The following PDE10A variants were observed in gnomAD, a reference collection of about 807,000 sequenced individuals.
The protein encoded by PDE10A is cAMP and cAMP-inhibited cGMP 3',5'-cyclic phosphodiesterase 10A.
PDE10A carries 39 observed loss-of-function variants against 97.7 expected under a neutral mutation model. The observed-to-expected ratio is 0.40, with a 90% CI of 0.31 to 0.52. The LOEUF (loss-of-function observed/expected upper bound fraction) is 0.52. Among genes scored for constraint, PDE10A ranks in the 20% least tolerant of loss-of-function variants. PDE10A has a pLI of 0.56. For missense variants in PDE10A, 731 were observed against 1,047.8 expected, an observed-to-expected ratio of 0.70 and a Z score of 4.17; for synonymous variants, 371 against 376.8, an observed-to-expected ratio of 0.98 and a Z score of 0.18.
intron 2 of PDE10A, among the ~76,000 whole-genome samples, chr6:165,529,543 G>A (rs538386088): frequency 6.6e-6 from 1 of 152,160 alleles, no homozygotes. Flanking sequence ...TACCAGCTAC[G>A]ACCACATGAC....
chr6:165,982,212 G>C (rs918624812), intron 1 of PDE10A, among the ~76,000 whole-genome samples: 1 of 152,178 alleles, frequency 6.6e-6, no homozygotes, highest in African/African-American at 2.4e-5. Context: ...GAAGGAACGC[G>C]TGAGTCGGTC....
Position 165,764,200 on chromosome 6 carries a change from T to A in PDE10A, c.-614-220632A>T, listed in dbSNP as rs1793320296. Among the ~76,000 whole-genome samples, 4 of 152,220 alleles carry A rather than the reference T, an allele frequency of 2.6e-5. No homozygotes were observed. In the South Asian group the frequency reaches 8.3e-4, roughly 32 times the overall value. ...GGGGCCTGAGTCCACGCTCTGACAC[T>A]TGGCTATTGCTCTTGGGTGTGTTAT... On this transcript the variant is annotated intron_variant, in intron 1 of 19. Coordinates refer to the PDE10A transcript ENST00000366882.
At chr6:165,777,766 A>G (rs1427083034) in intron 1 of PDE10A, among the ~76,000 whole-genome samples, 1 of 152,186 alleles carries the variant, frequency 6.6e-6, no homozygotes, top group Non-Finnish European at 1.5e-5. Context: ...ACAGAGGTAC[A>G]TCATAAAGCA....
chr6:165,380,184 TGA>T (rs1430264453), intron 17 of PDE10A, among the ~76,000 whole-genome samples: 1 of 152,216 alleles, frequency 6.6e-6, no homozygotes, highest in Non-Finnish European at 1.5e-5. Context: ...CTAAAAAGTT[TGA>T]GATAATTAAG....
intron 2 of PDE10A, among the ~76,000 whole-genome samples, chr6:165,485,760 T>C (rs1017212359): frequency 5.9e-5 from 9 of 151,858 alleles, no homozygotes; most frequent in African/African-American, 2.2e-4. Flanking sequence ...GCCTGACTAA[T>C]TTTTTGTATT....
intron 1 of PDE10A, among the ~76,000 whole-genome samples, chr6:165,957,410 G>A (rs1000397550): frequency 4.6e-5 from 7 of 152,302 alleles, no homozygotes; most frequent in South Asian, 2.1e-4. Context: ...GACCCCAAGA[G>A]TTCAAGGTGA....
intron 2 of PDE10A, among the ~76,000 whole-genome samples, chr6:165,494,459 G>GC (rs1780410178): frequency 6.7e-6 from 1 of 148,936 alleles, no homozygotes; most frequent in Admixed American, 6.7e-5. Context: ...AAAATGTGGG[G>GC]GGGGGTGTGT....
intron 1 of PDE10A, among the ~76,000 whole-genome samples, chr6:165,695,568 T>C (rs2128442687): frequency 1.3e-5 from 2 of 151,960 alleles, no homozygotes; most frequent in South Asian, 4.2e-4. Flanking sequence ...ACCAGATGAG[T>C]GTGGTGAAAA....
chr6:165,627,370 C>T (rs544259937), intron 1 of PDE10A, among the ~76,000 whole-genome samples: 16 of 152,168 alleles, frequency 1.1e-4, no homozygotes, highest in South Asian at 2.1e-4. Flanking sequence ...CATAATTTCC[C>T]GCAAGTATAC....
intron 1 of PDE10A, among the ~76,000 whole-genome samples, chr6:165,917,510 C>T (rs376250131): frequency 1.3e-4 from 20 of 152,070 alleles, no homozygotes; most frequent in East Asian, 1.2e-3. Context: ...TCAGGGGTGC[C>T]GAAATGGACA....
chr6:165,912,711 A>G (rs1782496475), intron 1 of PDE10A, among the ~76,000 whole-genome samples: 1 of 152,212 alleles, frequency 6.6e-6, no homozygotes, highest in South Asian at 2.1e-4. Flanking sequence ...ATGAACCAAT[A>G]ACATAAATTA....
intron 5 of PDE10A, among the ~76,000 whole-genome samples, chr6:165,439,431 A>G (rs1207899616): frequency 6.6e-6 from 1 of 152,196 alleles, no homozygotes; most frequent in East Asian, 1.9e-4. Flanking sequence ...ATCATTTCCA[A>G]AGAAGAAAGT....
chr6:165,417,946 A>T (rs1018789501), intron 11 of PDE10A, among the ~76,000 whole-genome samples: 20 of 152,202 alleles, frequency 1.3e-4, no homozygotes, highest in African/African-American at 4.6e-4. Flanking sequence ...AGAAATGCAA[A>T]TGTCTAAAAT....
chr6:165,348,438 GC>G (rs1404447683), intron 18 of PDE10A, among the ~76,000 whole-genome samples: 1 of 152,216 alleles, frequency 6.6e-6, no homozygotes, highest in Non-Finnish European at 1.5e-5. Flanking sequence ...ATGGGACCAT[GC>G]TTGCTAATTT....
intron 1 of PDE10A, among the ~76,000 whole-genome samples, chr6:165,795,495 G>A (rs1166359729): frequency 6.6e-6 from 1 of 152,130 alleles, no homozygotes; most frequent in African/African-American, 2.4e-5. Flanking sequence ...GGAGGCTGAG[G>A]TGGGCAGATC....
chr6:165,659,807 G>A lies in PDE10A; in HGVS notation c.865+2140C>T, dbSNP rs1230702108. Among the ~76,000 whole-genome samples the A allele has an allele frequency of 2.0e-5, 3 of 152,286 alleles. No homozygotes were observed. In the East Asian group the frequency reaches 5.8e-4, roughly 29 times the overall value. On this transcript the variant is annotated intron_variant, in intron 1 of 21. Transcript: ENST00000539869. ...CAGGTATTGTGTTCCTAAAGGGAGA[G>A]CCTGCTACGAATCCCGAGAGGACTC...
intron 1 of PDE10A, chr6:165,545,155 A>G: frequency 2.0e-6 from 1 of 496,258 alleles, no homozygotes; most frequent in Non-Finnish European, 4.0e-6. Flanking sequence ...TCTTTCTGCC[A>G]CTCCCATGAC....
At chr6:165,448,811 C>T (rs1791058211) in intron 5 of PDE10A, 117 bp downstream of exon 5, 1 of 654,768 alleles carries the variant, frequency 1.5e-6, no homozygotes, top group Admixed American at 2.8e-5. Context: ...AAACAAAACA[C>T]AAAATGATTT....
chr6:165,661,897 G>C lies in PDE10A; in HGVS notation c.865+50C>G. 3 of 771,908 alleles carry C rather than the reference G, an allele frequency of 3.9e-6. No homozygotes were observed. The highest frequency in any genetic ancestry group is 2.6e-4 in the Middle Eastern group (1 of 3,886). 47.8% of individuals were successfully genotyped at this position (771,908 alleles called of 1,614,324 possible). On this transcript the variant is annotated intron_variant, in intron 1 of 21. Transcript: ENST00000539869. The surrounding 1 kb of genome is among the most constrained non-coding windows in gnomAD (Gnocchi z 4.8). Reference sequence around the variant, plus strand: ...AGTCCAAGCCCCCCACCTGCCCCCAGGGGATGAGGAGCCGCCCCACCTCCG... The same window carrying C: ...AGTCCAAGCCCCCCACCTGCCCCCACGGGATGAGGAGCCGCCCCACCTCCG...
Sources: allele counts gnomAD v4.1 joint callset (sites outside exome capture counted in the v4.1 genomes callset), GRCh38; gene constraint gnomAD v4.1.1; non-coding constraint Gnocchi (gnomAD v3.1); transcripts MANE v1.5; gene names NCBI Gene and HGNC (gene_info 2026-07-23, HGNC 2026-07-21).